The following STARD3NL variants were observed in gnomAD, a reference collection of about 807,000 sequenced individuals.
STARD3NL encodes the protein STARD3 N-terminal-like protein.
A neutral mutation model predicts 30.9 loss-of-function variants in STARD3NL; 17 were observed. That is an observed-to-expected ratio of 0.55 (90% CI 0.38 to 0.82). The LOEUF (loss-of-function observed/expected upper bound fraction) is 0.82, where lower values mean the gene tolerates loss of function less well. Among genes scored for constraint, STARD3NL ranks in the 40% least tolerant of loss-of-function variants. The probability of loss-of-function intolerance (pLI) is 0.00; values close to 1 mark genes in which losing one functional copy is unlikely to be tolerated. For missense variants in STARD3NL, 234 were observed against 277.6 expected (o/e 0.84, Z 1.12); for synonymous variants, 112 against 100.5 (o/e 1.11, Z -0.69).
intron 1 of STARD3NL, among the ~76,000 whole-genome samples, chr7:38,192,873 C>A (rs1423521487): frequency 8.2e-6 from 1 of 121,908 alleles, no homozygotes; most frequent in African/African-American, 2.8e-5. Flanking sequence ...ACACTCCTCT[C>A]CTGTTTGTTC....
intron 3 of STARD3NL, among the ~76,000 whole-genome samples, chr7:38,214,793 C>A (rs1345401613): frequency 2.0e-5 from 3 of 152,046 alleles, no homozygotes; most frequent in African/African-American, 7.3e-5. Context: ...AAAATGACAT[C>A]TTTTTTTTCT....
chr7:38,192,924 T>G (rs944263488), intron 1 of STARD3NL, among the ~76,000 whole-genome samples: 1 of 151,926 alleles, frequency 6.6e-6, no homozygotes, highest in Non-Finnish European at 1.5e-5. Context: ...CCAATTTTCT[T>G]TCAGCTTACA....
intron 1 of STARD3NL, among the ~76,000 whole-genome samples, chr7:38,182,937 C>G (rs747125710): frequency 6.6e-6 from 1 of 152,184 alleles, no homozygotes; most frequent in Non-Finnish European, 1.5e-5. Flanking sequence ...ATAGGTTTCT[C>G]TGTCCTATAT....
chr7:38,186,690 A>G (rs182227315), intron 1 of STARD3NL, among the ~76,000 whole-genome samples: 16 of 152,338 alleles, frequency 1.1e-4, no homozygotes, highest in Middle Eastern at 3.4e-3. Flanking sequence ...CATGCTGTAC[A>G]GGTTTATAGC....
chr7:38,227,545 A>G (rs901835354), intron 7 of STARD3NL, among the ~76,000 whole-genome samples: 2 of 152,186 alleles, frequency 1.3e-5, no homozygotes, highest in Non-Finnish European at 2.9e-5. Context: ...GGGAAAAAAA[A>G]ATGTCCTTTT....
intron 1 of STARD3NL, among the ~76,000 whole-genome samples, chr7:38,184,664 A>AT (rs570869644): frequency 2.1e-4 from 31 of 146,038 alleles, no homozygotes; most frequent in African/African-American, 7.3e-4. Context: ...TATAGTATAT[A>AT]ATATATACTA....
chr7:38,226,701 G>C (rs1343826455), intron 7 of STARD3NL, among the ~76,000 whole-genome samples: 1 of 152,182 alleles, frequency 6.6e-6, no homozygotes, highest in Admixed American at 6.5e-5. Flanking sequence ...TGTCCCAGTG[G>C]TGACCACAAC....
intron 1 of STARD3NL, among the ~76,000 whole-genome samples, chr7:38,205,362 A>T (rs993383684): frequency 2.6e-5 from 4 of 152,158 alleles, no homozygotes; most frequent in African/African-American, 9.7e-5. Flanking sequence ...ACCTTCTTAT[A>T]AGAATTCGGT....
chr7:38,199,352 G>C (rs1785070295), intron 1 of STARD3NL, among the ~76,000 whole-genome samples: 1 of 152,184 alleles, frequency 6.6e-6, no homozygotes, highest in South Asian at 2.1e-4. Context: ...AAAACAAACA[G>C]TTGTAATCTC....
intron 1 of STARD3NL, among the ~76,000 whole-genome samples, chr7:38,206,458 C>T (rs1377565550): frequency 2.0e-5 from 3 of 152,198 alleles, no homozygotes; most frequent in African/African-American, 7.2e-5. Flanking sequence ...ATCCACCACA[C>T]TTCGTTTAAT....
chr7:38,213,339 T>C (rs1413556601), intron 2 of STARD3NL, among the ~76,000 whole-genome samples: 1 of 152,198 alleles, frequency 6.6e-6, no homozygotes, highest in Non-Finnish European at 1.5e-5. Flanking sequence ...TACAAAGAAA[T>C]GTAGACCTCC....
intron 7 of STARD3NL, among the ~76,000 whole-genome samples, chr7:38,222,914 A>G (rs936224957): frequency 6.6e-6 from 1 of 152,204 alleles, no homozygotes; most frequent in African/African-American, 2.4e-5. Context: ...CCTAGAAAAA[A>G]AAGACTACTC....
At chr7:38,229,733 G>T (rs1205031096) in intron 8 of STARD3NL, among the ~76,000 whole-genome samples, 190 bp from the exon 9 acceptor site, 1 of 152,210 alleles carries the variant, frequency 6.6e-6, no homozygotes, top group East Asian at 1.9e-4. Flanking sequence ...AAAAATGTGG[G>T]CATGCTCGTA....
chr7:38,194,847 T>C (rs866699191), intron 1 of STARD3NL, among the ~76,000 whole-genome samples: 95 of 152,236 alleles, frequency 6.2e-4, no homozygotes, highest in Non-Finnish European at 8.7e-4. Flanking sequence ...AATAATTATC[T>C]GTCTTAAAAA....
intron 1 of STARD3NL, among the ~76,000 whole-genome samples, chr7:38,188,905 A>G (rs931101430): frequency 6.6e-6 from 1 of 152,256 alleles, no homozygotes; most frequent in African/African-American, 2.4e-5. Flanking sequence ...CTGCCAGAGG[A>G]GTGACTTAAA....
chr7:38,216,336 A>G (rs774892842), intron 4 of STARD3NL: 1 of 152,198 alleles, frequency 6.6e-6, no homozygotes, highest in South Asian at 2.1e-4. Context: ...TTTGCAGAGA[A>G]GAGTCTAGAA....
At position 38,180,287 on chromosome 7, in the gene STARD3NL, T is replaced by C. The variant is rs143010150; in HGVS notation, c.-59+1867T>C. Among the ~76,000 whole-genome samples, 86 of 152,372 alleles carry C rather than the reference T, an allele frequency of 5.6e-4. No individual in the cohort carries two copies. The East Asian group carries it at 0.015, about 26-fold the overall frequency. On this transcript the variant is annotated intron_variant, in intron 1 of 8. Transcript: ENST00000009041. ...GTAGTTTGTTTCCTTTCCATTGTTA[T>C]ATGCAGAACTCAAAGTCTTTGCTTT...
chr7:38,226,766 T>C (rs1786795298), intron 7 of STARD3NL, among the ~76,000 whole-genome samples: 1 of 152,154 alleles, frequency 6.6e-6, no homozygotes, highest in South Asian at 2.1e-4. Context: ...AATTTGTCAC[T>C]TCACTGTCAG....
chr7:38,225,720 A>G (rs146811964), intron 7 of STARD3NL, among the ~76,000 whole-genome samples: 2 of 151,948 alleles, frequency 1.3e-5, no homozygotes, highest in East Asian at 3.9e-4. Context: ...TTGATTTGAT[A>G]CTTTTTTTTT....
Sources: gnomAD v4.1 joint callset for allele counts (sites outside exome capture counted in the v4.1 genomes callset) on GRCh38, gnomAD v4.1.1 for gene constraint, MANE v1.5 for transcripts, NCBI Gene and HGNC (gene_info 2026-07-23, HGNC 2026-07-21) for gene names.